CATSPERT: variants seen among roughly 807,000 people sequenced by gnomAD.
CATSPERT encodes the protein cation channel sperm-associated targeting subunit tau.
the CATSPERT span, among the ~76,000 whole-genome samples, chr2:201,558,546 T>C: frequency 6.6e-6 from 1 of 152,222 alleles, no homozygotes; most frequent in Non-Finnish European, 1.5e-5. Context: ...CAGGAGGGAC[T>C]TCCCATTGTT....
At chr2:201,542,488 C>T in the CATSPERT span, among the ~76,000 whole-genome samples, 2 of 152,320 alleles carry the variant, frequency 1.3e-5, no homozygotes, top group East Asian at 1.9e-4. Flanking sequence ...ATTCCCCCAA[C>T]AGTGTACTAG....
At chr2:201,618,572 GGGA>G in the CATSPERT span, among the ~76,000 whole-genome samples, 1 of 149,210 alleles carries the variant, frequency 6.7e-6, no homozygotes, top group South Asian at 2.2e-4. Context: ...GTTGGGGGGA[GGGA>G]GGAGGGATAG....
chr2:201,615,662 C>T, the CATSPERT span, among the ~76,000 whole-genome samples: 1 of 152,056 alleles, frequency 6.6e-6, no homozygotes, highest in Non-Finnish European at 1.5e-5. Context: ...GAAGCAAGAG[C>T]AAATGCTTTC....
chr2:201,501,523 A>T, the CATSPERT span, among the ~76,000 whole-genome samples: 1 of 152,096 alleles, frequency 6.6e-6, no homozygotes, highest in African/African-American at 2.4e-5. Flanking sequence ...TAAAGTTAAA[A>T]GAAGGAAGGA....
At chr2:201,574,083 A>T in the CATSPERT span, 1 of 547,486 alleles carries the variant, frequency 1.8e-6, no homozygotes, top group South Asian at 4.8e-5. Flanking sequence ...CAAAGTCGGG[A>T]GGTAAAGAAG....
chr2:201,614,899 G>A, the CATSPERT span, among the ~76,000 whole-genome samples: 1 of 152,020 alleles, frequency 6.6e-6, no homozygotes, highest in Non-Finnish European at 1.5e-5. Context: ...GAAAAAGCAG[G>A]GGTTGCAATG....
At chr2:201,559,324 C>G in the CATSPERT span, among the ~76,000 whole-genome samples, 4 of 152,238 alleles carry the variant, frequency 2.6e-5, no homozygotes, top group East Asian at 7.7e-4. Flanking sequence ...CAGCTTTGCA[C>G]CTGCATCCCA....
At chr2:201,614,057 C>T in the CATSPERT span, among the ~76,000 whole-genome samples, 37 of 152,222 alleles carry the variant, frequency 2.4e-4, no homozygotes, top group Middle Eastern at 0.01. Flanking sequence ...TATGGGACTA[C>T]GTGAAAAGAC....
chr2:201,579,413 T>C, the CATSPERT span, among the ~76,000 whole-genome samples: 2 of 151,892 alleles, frequency 1.3e-5, no homozygotes, highest in Non-Finnish European at 2.9e-5. Flanking sequence ...GCTAATTTTT[T>C]GTGGGTGTTT....
the CATSPERT span, among the ~76,000 whole-genome samples, chr2:201,587,803 AC>A: frequency 1.3e-5 from 2 of 152,166 alleles, no homozygotes; most frequent in Non-Finnish European, 2.9e-5. Flanking sequence ...ACCAGAAACG[AC>A]AAGGGGGATA....
chr2:201,608,465 G>A, the CATSPERT span, among the ~76,000 whole-genome samples: 2 of 152,058 alleles, frequency 1.3e-5, no homozygotes, highest in Non-Finnish European at 2.9e-5. Context: ...TTTAATGCAT[G>A]TTTTTAAAAA....
chr2:201,618,853 T>C, the CATSPERT span: 1 of 1,587,964 alleles, frequency 6.3e-7, no homozygotes, highest in Admixed American at 1.7e-5. Context: ...CCAGGTGCCC[T>C]GCTGGCCCCG....
the CATSPERT span, chr2:201,565,969 T>G: frequency 8.7e-7 from 1 of 1,153,226 alleles, no homozygotes; most frequent in Admixed American, 3.1e-5. Flanking sequence ...TCTTTTACAC[T>G]TTTAGCTCAC....
chr2:201,540,219 A>G, the CATSPERT span, among the ~76,000 whole-genome samples: 6 of 152,264 alleles, frequency 3.9e-5, no homozygotes, highest in East Asian at 1.2e-3. Context: ...AGTGCAAGGT[A>G]AAGCAGCAAG....
At chr2:201,614,739 G>T in the CATSPERT span, among the ~76,000 whole-genome samples, 75 of 152,092 alleles carry the variant, frequency 4.9e-4, 1 homozygote, top group Non-Finnish European at 1.0e-3. Flanking sequence ...TGGGCTAAAT[G>T]GTCCAATTAA....
chr2:201,516,004 T>C, the CATSPERT span, among the ~76,000 whole-genome samples: 1 of 152,264 alleles, frequency 6.6e-6, no homozygotes, highest in Non-Finnish European at 1.5e-5. Flanking sequence ...TGTTATCAGA[T>C]GATTTTGTCA....
the CATSPERT span, among the ~76,000 whole-genome samples, chr2:201,589,901 A>G: frequency 6.6e-6 from 1 of 152,140 alleles, no homozygotes; most frequent in South Asian, 2.1e-4. Context: ...AACTTAAACA[A>G]ATTTACAAGA....
At chr2:201,545,579 G>T in the CATSPERT span, 1 of 1,358,118 alleles carries the variant, frequency 7.4e-7, no homozygotes, top group South Asian at 1.6e-5. Flanking sequence ...TCTTCAGGAT[G>T]ATTACTTTTC....
the CATSPERT span, among the ~76,000 whole-genome samples, chr2:201,514,752 T>C: frequency 6.6e-6 from 1 of 152,234 alleles, no homozygotes; most frequent in Non-Finnish European, 1.5e-5. Flanking sequence ...AATCAATTTT[T>C]GGATCTGCAT....
Sources: allele counts gnomAD v4.1 joint callset (sites outside exome capture counted in the v4.1 genomes callset), GRCh38; gene constraint gnomAD v4.1.1; transcripts MANE v1.5; gene names NCBI Gene and HGNC (gene_info 2026-07-23, HGNC 2026-07-21).